Variants in ST3GAL6 observed in about 807,000 individuals in gnomAD.
ST3GAL6 encodes type 2 lactosamine alpha-2,3-sialyltransferase.
Under a neutral mutation model 40.5 loss-of-function variants are expected in ST3GAL6, and 31 were observed. The ratio of observed to expected loss-of-function variants is 0.77; its 90% confidence interval spans 0.58 to 1.03. The LOEUF is 1.03. Among genes scored for constraint, ST3GAL6 ranks in the 50% least tolerant of loss-of-function variants. ST3GAL6 has a pLI of 0.00. For missense variants in ST3GAL6, 357 were observed against 393.2 expected, an observed-to-expected ratio of 0.91 and a Z score of 0.78; for synonymous variants, 129 against 136.9, an observed-to-expected ratio of 0.94 and a Z score of 0.40.
At chr3:98,735,977 GGCTAAGAAGT>G (rs1935514430) in intron 1 of ST3GAL6, among the ~76,000 whole-genome samples, 1 of 149,660 alleles carries the variant, frequency 6.7e-6, no homozygotes, top group South Asian at 2.2e-4. Context: ...CGTATAATCA[GGCTAAGAAGT>G]GCTGAGATTC....
chr3:98,753,930 C>T (rs886580989), intron 1 of ST3GAL6, among the ~76,000 whole-genome samples: 1 of 152,200 alleles, frequency 6.6e-6, no homozygotes, highest in Admixed American at 6.5e-5. Context: ...TATTATTGCT[C>T]TACAGTGCAC....
upstream of ST3GAL6, among the ~76,000 whole-genome samples, chr3:98,761,154 C>T (rs1346661018): frequency 3.9e-5 from 6 of 152,084 alleles, no homozygotes; most frequent in Admixed American, 2.6e-4. Flanking sequence ...ACCTGATACA[C>T]TTAAAAGTGG....
At position 98,770,896 on chromosome 3, in the gene ST3GAL6, T is replaced by A. The variant is rs1938912518; in HGVS notation, c.107T>A (p.Met36Lys). Residue 36 changes from methionine to lysine, a missense_variant, in exon 3 of 10, where the codon ATG becomes AAG. By Grantham distance (95) the Met-to-Lys change is moderately conservative (BLOSUM62 -1). Coordinates refer to ENST00000483910, the MANE Select transcript of ST3GAL6 (RefSeq NM_001323368.2). The stretch of plus-strand genomic sequence containing the variant: ...TCTCATAGGGTGGCACCTGTGGAAA[T>A]GAAACGGAGAAATAAGATCCAGCCT... ...TNVYWVAPVE[M>K]KRRNKIQPCL... The A allele has an allele frequency of 6.2e-7, 1 of 1,614,102 alleles. No individual in the cohort carries two copies. Among genetic ancestry groups the A allele is most frequent in the Admixed American group, 1.7e-5 (1 of 60,020 alleles).
chr3:98,751,185 G>C (rs1936983296), intron 1 of ST3GAL6, among the ~76,000 whole-genome samples: 1 of 152,074 alleles, frequency 6.6e-6, no homozygotes, highest in Admixed American at 6.6e-5. Flanking sequence ...TGGGATTACA[G>C]GTGTGAGCCA....
chr3:98,756,428 C>A (rs1444882090), intron 1 of ST3GAL6: 1 of 1,289,680 alleles, frequency 7.8e-7, no homozygotes, highest in East Asian at 5.5e-5. Flanking sequence ...ACAGAGAGGC[C>A]CCAGCAATTC....
chr3:98,749,519 G>A (rs1395848091), intron 1 of ST3GAL6, among the ~76,000 whole-genome samples: 1 of 152,052 alleles, frequency 6.6e-6, no homozygotes, highest in African/African-American at 2.4e-5. Flanking sequence ...GAAAAGGTAA[G>A]GGAAAAAAAT....
At chr3:98,781,974 GCTGGGAGTGTGAGAATCGCCC>G (rs1417451278) in intron 5 of ST3GAL6, among the ~76,000 whole-genome samples, 2 of 152,186 alleles carry the variant, frequency 1.3e-5, no homozygotes, top group Non-Finnish European at 2.9e-5. Flanking sequence ...GGGCAAGCAA[GCTGGGAGTGTGAGAATCGCCC>G]CCTCCTATAG....
chr3:98,784,105 C>T (rs1048178649), intron 5 of ST3GAL6, among the ~76,000 whole-genome samples: 1 of 152,206 alleles, frequency 6.6e-6, no homozygotes, highest in East Asian at 1.9e-4. Flanking sequence ...AAACAGTGTT[C>T]TCTTTAGACT....
intron 5 of ST3GAL6, among the ~76,000 whole-genome samples, chr3:98,776,934 G>T (rs1260764488): frequency 6.6e-6 from 1 of 152,220 alleles, no homozygotes; most frequent in East Asian, 1.9e-4. Context: ...AATATCAGTT[G>T]TGATTGTAAG....
At chr3:98,771,326 G>C in intron 3 of ST3GAL6, 2 of 349,862 alleles carry the variant, frequency 5.7e-6, no homozygotes, top group Non-Finnish European at 1.0e-5. Context: ...TTGCCTCTAG[G>C]TTAAACTTTT....
chr3:98,767,605 T>C (rs902839665), intron 1 of ST3GAL6, among the ~76,000 whole-genome samples: 24 of 152,232 alleles, frequency 1.6e-4, no homozygotes, highest in African/African-American at 5.3e-4. Context: ...TATGGAACCA[T>C]ATGTTAAATT....
intron 1 of ST3GAL6, among the ~76,000 whole-genome samples, chr3:98,743,064 C>A (rs550706546): frequency 7.6e-6 from 1 of 131,142 alleles, no homozygotes; most frequent in Non-Finnish European, 1.5e-5. Flanking sequence ...GCTGGAATAT[C>A]GTGGTGCAAT....
At chr3:98,788,669 G>GTT (rs3214776) in intron 8 of ST3GAL6, among the ~76,000 whole-genome samples, 2 of 151,100 alleles carry the variant, frequency 1.3e-5, no homozygotes, top group Non-Finnish European at 3.0e-5. Flanking sequence ...TTTAAGTTGG[G>GTT]TTTTTTTCCT....
At position 98,746,660 on chromosome 3, in the gene ST3GAL6, C is replaced by T. The variant is rs1433591425; in HGVS notation, c.-12+14128C>T. ...TGAAAGAATTCCATACATGAGTCTT[C>T]ACATTTTTGTCAGTGAAAACAAAAT... On this transcript the variant is annotated intron_variant, in intron 1 of 9. Coordinates refer to the ST3GAL6 transcript ENST00000265261. Among the ~76,000 whole-genome samples, 4 of 151,978 alleles carry T rather than the reference C, an allele frequency of 2.6e-5. No individual in the cohort carries two copies. In the East Asian group the frequency reaches 7.7e-4, roughly 29 times the overall value.
chr3:98,786,400 G>A (rs996378003), intron 6 of ST3GAL6, among the ~76,000 whole-genome samples: 1 of 152,174 alleles, frequency 6.6e-6, no homozygotes, highest in Non-Finnish European at 1.5e-5. Context: ...AGGACAGAAG[G>A]AGTGACCAAC....
At chr3:98,782,511 C>T in intron 5 of ST3GAL6, 2 of 597,642 alleles carry the variant, frequency 3.3e-6, no homozygotes, top group East Asian at 2.8e-5. Flanking sequence ...ACACTCTGAA[C>T]CCCAGGAGGT....
upstream of ST3GAL6, chr3:98,762,967 A>G (rs975542905): frequency 1.0e-6 from 1 of 985,316 alleles, no homozygotes; most frequent in Non-Finnish European, 1.2e-6. Context: ...GATCCTTGGG[A>G]TATGAATGAA....
In ST3GAL6 at chr3:98,791,811, TAA is replaced by T; in HGVS notation, c.757-25_757-24del. ...TTGGTAACAAGTAGCTCCTTTTGCTTAAAAAAGTTTTTTTCATCCCCTCCCCC... is the reference window on the plus strand; with the variant it reads ...TTGGTAACAAGTAGCTCCTTTTGCTTAAAAGTTTTTTTCATCCCCTCCCCC... On this transcript the variant is annotated intron_variant, in intron 8 of 9. Transcript: ENST00000483910. 6 of 1,590,604 alleles carry T rather than the reference TAA, an allele frequency of 3.8e-6. 1 individual carries two copies. Among genetic ancestry groups the T allele is most frequent in the South Asian group, 2.3e-5 (2 of 87,352 alleles).
In ST3GAL6 at chr3:98,795,223, A is replaced by G. The variant is rs1251820381; in HGVS notation, c.*1462A>G. On this transcript the variant is annotated 3_prime_UTR_variant, in exon 10 of 10. Transcript: ENST00000483910. ...CTGAAGAAAGAATTACTCTCTTTTG[A>G]CCAATAAATACAATTGGGAAACACT... 1.3e-5 allele frequency: 2 copies of G among 152,314 alleles called. No homozygotes were observed. The highest frequency in any genetic ancestry group is 3.9e-4 in the East Asian group (2 of 5,186). 9.4% of individuals were successfully genotyped at this position (152,314 alleles called of 1,614,324 possible). A position where few individuals can be genotyped will look rare whatever the true frequency, so the allele number is the denominator to read the frequency against.
Sources: gnomAD v4.1 joint callset for allele counts (sites outside exome capture counted in the v4.1 genomes callset) on GRCh38, gnomAD v4.1.1 for gene constraint, MANE v1.5 for transcripts, NCBI Gene and HGNC (gene_info 2026-07-23, HGNC 2026-07-21) for gene names.